COL19A1: variants seen among roughly 807,000 people sequenced by gnomAD.
COL19A1 encodes collagen type XIX alpha 1 chain.
A neutral mutation model predicts 190.2 loss-of-function variants in COL19A1; 159 were observed. The ratio of observed to expected loss-of-function variants is 0.84; its 90% CI spans 0.73 to 0.95. The LOEUF (loss-of-function observed/expected upper bound fraction) is 0.95, where lower values mean the gene tolerates loss of function less well. Ranked by LOEUF, COL19A1 falls within the 40% of genes least tolerant of loss-of-function variation. The pLI, the probability that COL19A1 is intolerant of heterozygous loss-of-function variation, is 0.00. For missense variants in COL19A1, 1,418 were observed against 1,431.9 expected (o/e 0.99, Z 0.16); for synonymous variants, 509 against 458.9 (o/e 1.11, Z -1.39).
chr6:70,102,038 CAT>C, intron 15 of COL19A1, 129 bp from the exon 16 acceptor site: 1 of 783,724 alleles, frequency 1.3e-6, no homozygotes. Flanking sequence ...ATTTAAAAGT[CAT>C]GTGGAATTGG....
rs1412558294 is a variant in COL19A1, at chr6:70,010,789, G to A, written c.1027-12838G>A. On this transcript the variant is annotated intron_variant, in intron 11 of 50. Transcript: ENST00000620364. ...GCGGCAACGAGGCTGGGGGAGGGGC[G>A]CCCGCCATTGCCCAGGCTTGCTTAG... is the stretch of plus-strand genomic sequence containing the variant. Among the ~76,000 whole-genome samples, 14 of 126,640 alleles carry A rather than the reference G, an allele frequency of 1.1e-4. 2 individuals carry two copies. The South Asian group carries it at 3.3e-3, about 30-fold the overall frequency. The allele number at this position is 126,640 out of a possible 152,430, so 83.1% of individuals were successfully genotyped here.
intron 15 of COL19A1, among the ~76,000 whole-genome samples, chr6:70,073,234 C>T (rs575509720): frequency 1.3e-5 from 2 of 152,198 alleles, no homozygotes; most frequent in African/African-American, 4.8e-5. Context: ...GTGATCCACG[C>T]TCCTTGGCCT....
At chr6:69,916,314 G>A (rs1395589537) in intron 4 of COL19A1, among the ~76,000 whole-genome samples, 1 of 152,126 alleles carries the variant, frequency 6.6e-6, no homozygotes, top group East Asian at 1.9e-4. Flanking sequence ...TGTGCATGCT[G>A]CACATGTACC....
chr6:70,109,698 G>GTCTTTGAGT (rs1562182109), intron 16 of COL19A1, among the ~76,000 whole-genome samples: 3 of 151,986 alleles, frequency 2.0e-5, no homozygotes, highest in African/African-American at 4.8e-5. Flanking sequence ...TTGAGTGGAC[G>GTCTTTGAGT]GGGAATAGGC....
At chr6:70,119,590 C>G (rs557934098) in intron 16 of COL19A1, among the ~76,000 whole-genome samples, 1 of 152,134 alleles carries the variant, frequency 6.6e-6, no homozygotes, top group Admixed American at 6.6e-5. Context: ...GTAGAGTAGA[C>G]GAGAACTGGC....
At chr6:70,138,242 A>C (rs1050378933) in intron 19 of COL19A1, among the ~76,000 whole-genome samples, 6 of 152,068 alleles carry the variant, frequency 3.9e-5, no homozygotes, top group African/African-American at 1.4e-4. Context: ...TTCTGAAGTT[A>C]TTTTTCTTTC....
Position 70,125,104 on chromosome 6 carries a change from G to GTTT in COL19A1, c.1341+3162_1341+3163insTTT, listed in dbSNP as rs1785116036. Among the ~76,000 whole-genome samples the GTTT allele has an allele frequency of 3.3e-5, 5 of 152,090 alleles. No homozygotes were observed. The East Asian group carries it at 5.8e-4, about 18-fold the overall frequency. On this transcript the variant is annotated intron_variant, in intron 17 of 50. Transcript: ENST00000620364. ...CTGTCTGTTTTTGGACACTGAGATT[G>GTTT]CAATTTGTAGTGTGCCAGATGGTCT...
chr6:69,904,276 G>C (rs531351128), intron 4 of COL19A1, among the ~76,000 whole-genome samples: 1 of 152,328 alleles, frequency 6.6e-6, no homozygotes, highest in East Asian at 1.9e-4. Context: ...ACAGTTTCTA[G>C]TATCTCTCCA....
rs1362562388 is a variant in COL19A1 at position 70,207,140 on chromosome 6, TCG to T, written c.3302-6_3302-5del. Reference sequence around the variant, plus strand: ...TCTGCATTGTAATTTTTTTTTTATGTCGTTAGCTCTGGGTTTGCCAGGCTCAC... The same window carrying T: ...TCTGCATTGTAATTTTTTTTTTATGTTTAGCTCTGGGTTTGCCAGGCTCAC... On this transcript the variant is annotated splice_polypyrimidine_tract_variant and splice_region_variant and intron_variant, in intron 50 of 50. Coordinates refer to ENST00000620364, the MANE Select transcript of COL19A1 (RefSeq NM_001858.6). 6.2e-7 allele frequency: 1 copy of T among 1,611,622 alleles called. No individual in the cohort carries two copies. The highest frequency in any genetic ancestry group is 8.5e-7 in the Non-Finnish European group (1 of 1,179,360).
Position 70,207,291 on chromosome 6 carries a change from C to T in COL19A1, c.*17C>T, listed in dbSNP as rs569155936. ...GGGAATTGAACACACCTGAAGAAGA[C>T]TTGGTTCCTGGTAACATTTCCTTGC... On this transcript the variant is annotated 3_prime_UTR_variant, in exon 51 of 51. Coordinates refer to ENST00000620364, the MANE Select transcript of COL19A1 (RefSeq NM_001858.6). 2 of 1,569,724 alleles carry T rather than the reference C, an allele frequency of 1.3e-6. No individual in the cohort carries two copies. The highest frequency in any genetic ancestry group is 2.4e-5 in the East Asian group (1 of 42,148).
chr6:69,943,738 G>T (rs1343507583), intron 9 of COL19A1, among the ~76,000 whole-genome samples: 1 of 152,106 alleles, frequency 6.6e-6, no homozygotes, highest in African/African-American at 2.4e-5. Flanking sequence ...GGGTTCTCTA[G>T]TGTGTTCCAT....
At chr6:69,991,815 A>G (rs1776643830) in intron 11 of COL19A1, among the ~76,000 whole-genome samples, 1 of 152,028 alleles carries the variant, frequency 6.6e-6, no homozygotes, top group South Asian at 2.1e-4. Flanking sequence ...ATAGTTTACA[A>G]ATATTTTCTC....
rs188982484 is a variant in COL19A1 at position 69,994,879 on chromosome 6, G to T, written c.1027-28748G>T. Among the ~76,000 whole-genome samples, 52 of 152,270 alleles carry T rather than the reference G, an allele frequency of 3.4e-4. No homozygotes were observed. The East Asian group carries it at 5.0e-3, about 15-fold the overall frequency. On this transcript the variant is annotated intron_variant, in intron 11 of 50. Coordinates refer to ENST00000620364, the MANE Select transcript of COL19A1 (RefSeq NM_001858.6). ...TAATGATTTTCAGAAATGAGCCTATGTTAGCATATCTGACCCTGCCCACGG... is the reference window on the plus strand; with the variant it reads ...TAATGATTTTCAGAAATGAGCCTATTTTAGCATATCTGACCCTGCCCACGG...
chr6:70,113,472 T>C (rs1005589832), intron 16 of COL19A1, among the ~76,000 whole-genome samples: 1 of 152,212 alleles, frequency 6.6e-6, no homozygotes, highest in Non-Finnish European at 1.5e-5. Context: ...TCATGCTCCT[T>C]GGAGTTTCTG....
At chr6:70,107,731 A>G (rs533921021) in intron 16 of COL19A1, among the ~76,000 whole-genome samples, 1 of 152,316 alleles carries the variant, frequency 6.6e-6, no homozygotes, top group East Asian at 1.9e-4. Flanking sequence ...TAGATACGTC[A>G]TGAAGAGATC....
chr6:70,178,194 C>G (rs1323363553), intron 42 of COL19A1, among the ~76,000 whole-genome samples: 2 of 152,112 alleles, frequency 1.3e-5, no homozygotes, highest in Non-Finnish European at 2.9e-5. Context: ...TAGAGACCAA[C>G]CTGGGAAACA....
chr6:70,107,123 A>G (rs1300044546), intron 16 of COL19A1, among the ~76,000 whole-genome samples: 2 of 152,236 alleles, frequency 1.3e-5, no homozygotes, highest in Non-Finnish European at 2.9e-5. Flanking sequence ...TGACACAAGC[A>G]GTGAAGACAG....
At chr6:69,892,343 G>T (rs980026649) in intron 2 of COL19A1, among the ~76,000 whole-genome samples, 1 of 152,180 alleles carries the variant, frequency 6.6e-6, no homozygotes, top group African/African-American at 2.4e-5. Context: ...TAAAATGTAA[G>T]CGAAAACTTA....
chr6:70,135,661 G>A (rs965746223), intron 18 of COL19A1, among the ~76,000 whole-genome samples: 1 of 152,182 alleles, frequency 6.6e-6, no homozygotes, highest in Non-Finnish European at 1.5e-5. Flanking sequence ...CCAGCAAAGA[G>A]ACCGGAATTG....
Sources: allele counts gnomAD v4.1 joint callset (sites outside exome capture counted in the v4.1 genomes callset), GRCh38; gene constraint gnomAD v4.1.1; transcripts MANE v1.5; gene names NCBI Gene and HGNC (gene_info 2026-07-23, HGNC 2026-07-21).